RBFOX1: variants seen among roughly 807,000 people sequenced by gnomAD.
RBFOX1 encodes the protein RNA binding protein fox-1 homolog 1.
Under a neutral mutation model 57.7 loss-of-function variants are expected in RBFOX1, and 8 were observed. That is an observed-to-expected ratio of 0.14 (90% CI 0.08 to 0.25). The LOEUF (loss-of-function observed/expected upper bound fraction) is 0.25. Among genes scored for constraint, RBFOX1 ranks in the 10% least tolerant of loss-of-function variants. The pLI, the probability that RBFOX1 is intolerant of heterozygous loss-of-function variation, is 1.00. For missense variants in RBFOX1, 611 were observed against 548.5 expected (o/e 1.11, Z -1.14); for synonymous variants, 326 against 222.4 (o/e 1.47, Z -4.15).
intron 4 of RBFOX1, among the ~76,000 whole-genome samples, chr16:7,173,087 G>T (rs1383844561): frequency 2.6e-5 from 4 of 152,156 alleles, no homozygotes; most frequent in African/African-American, 9.7e-5. Context: ...GAGTTCAGAA[G>T]AAAGACTAGG....
At chr16:6,052,464 T>C (rs2095562285) in intron 1 of RBFOX1, among the ~76,000 whole-genome samples, 1 of 152,126 alleles carries the variant, frequency 6.6e-6, no homozygotes, top group Non-Finnish European at 1.5e-5. Flanking sequence ...CTTGGTATCC[T>C]AATCTGTAAA....
intron 1 of RBFOX1, among the ~76,000 whole-genome samples, chr16:6,179,574 C>T (rs2097046151): frequency 6.6e-6 from 1 of 152,142 alleles, no homozygotes; most frequent in Non-Finnish European, 1.5e-5. Flanking sequence ...CTGTGGTCCG[C>T]AGCCCACTAG....
At chr16:5,759,969 T>A (rs1039190102) in intron 3 of RBFOX1, among the ~76,000 whole-genome samples, 1 of 151,470 alleles carries the variant, frequency 6.6e-6, no homozygotes, top group Non-Finnish European at 1.5e-5. Context: ...TGTAGGTTTC[T>A]ATAATCTTGT....
intron 2 of RBFOX1, among the ~76,000 whole-genome samples, chr16:5,568,252 C>T (rs1454836404): frequency 6.6e-6 from 1 of 152,182 alleles, no homozygotes; most frequent in Non-Finnish European, 1.5e-5. Flanking sequence ...ATTCTCTGTG[C>T]ACGTGGCACA....
intron 4 of RBFOX1, among the ~76,000 whole-genome samples, chr16:7,419,610 C>T (rs2098519763): frequency 6.6e-6 from 1 of 152,210 alleles, no homozygotes; most frequent in Non-Finnish European, 1.5e-5. Flanking sequence ...TAACAGGGCC[C>T]CCTGCCCTTT....
At chr16:7,110,414 A>C (rs367543449) in intron 4 of RBFOX1, among the ~76,000 whole-genome samples, 185 of 152,176 alleles carry the variant, frequency 1.2e-3, no homozygotes, top group African/African-American at 4.4e-3. Flanking sequence ...GGGTTGAAAG[A>C]TGAATTTGCT....
At position 5,991,018 on chromosome 16, in the gene RBFOX1, C is replaced by G. The variant is rs540635317; in HGVS notation, c.351+123683C>G. 6.6e-5 allele frequency among the ~76,000 whole-genome samples: 10 copies of G among 152,172 alleles called. No homozygotes were observed. The South Asian group carries it at 1.7e-3, about 25-fold the overall frequency. On this transcript the variant is annotated intron_variant, in intron 4 of 19. Coordinates refer to the RBFOX1 transcript ENST00000641259. ...TTTGGTTATGCCTCCCATCAAGGTT[C>G]TCATGAAATAAAAAAAATGTTTTAA...
chr16:6,608,585 T>C (rs1405906137), intron 2 of RBFOX1, among the ~76,000 whole-genome samples: 2 of 152,156 alleles, frequency 1.3e-5, no homozygotes, highest in East Asian at 1.9e-4. Context: ...GACCAGGAGT[T>C]TGAGATGAGC....
intron 3 of RBFOX1, among the ~76,000 whole-genome samples, chr16:6,954,342 A>G (rs986923897): frequency 2.3e-4 from 35 of 152,174 alleles, no homozygotes; most frequent in African/African-American, 8.0e-4. Flanking sequence ...GAGTTGATTT[A>G]TAGTTACAAT....
At chr16:7,492,950 C>T (rs761531181) in intron 4 of RBFOX1, among the ~76,000 whole-genome samples, 2 of 152,174 alleles carry the variant, frequency 1.3e-5, no homozygotes, top group Admixed American at 1.3e-4. Context: ...GCGATCTCAG[C>T]TCACTGCAAC....
chr16:6,435,673 G>A (rs1419210755), intron 2 of RBFOX1, among the ~76,000 whole-genome samples: 1 of 152,156 alleles, frequency 6.6e-6, no homozygotes, highest in Non-Finnish European at 1.5e-5. Flanking sequence ...CCATTTCCAA[G>A]TGGTTTGCCT....
intron 4 of RBFOX1, among the ~76,000 whole-genome samples, chr16:7,504,788 TATATATATATATATTTA>T (rs2072616675): frequency 5.9e-5 from 1 of 16,876 alleles, no homozygotes; most frequent in Non-Finnish European, 1.5e-4. Context: ...TATATATATT[TATATATATATATATTTA>T]TATATATATA....
intron 4 of RBFOX1, among the ~76,000 whole-genome samples, chr16:7,369,708 G>C (rs897643535): frequency 6.6e-6 from 1 of 152,126 alleles, no homozygotes; most frequent in Non-Finnish European, 1.5e-5. Context: ...CATGGTGTCT[G>C]ATTAGCAATA....
At chr16:6,308,038 TAA>T (rs1195205442) in intron 1 of RBFOX1, among the ~76,000 whole-genome samples, 8 of 150,748 alleles carry the variant, frequency 5.3e-5, no homozygotes, top group Non-Finnish European at 1.0e-4. Flanking sequence ...GTTATTTATA[TAA>T]GTTTCTTTGG....
At chr16:7,460,397 G>A (rs866208038) in intron 4 of RBFOX1, among the ~76,000 whole-genome samples, 15,833 of 63,150 alleles carry the variant, frequency 0.25, 1,868 homozygotes, top group Non-Finnish European at 0.31. Context: ...ATATGTGTGT[G>A]TGTGTGTGTG....
chr16:7,017,596 C>A (rs1204894982), intron 3 of RBFOX1, among the ~76,000 whole-genome samples: 1 of 152,132 alleles, frequency 6.6e-6, no homozygotes, highest in Non-Finnish European at 1.5e-5. Flanking sequence ...TTTCATGAGG[C>A]TGGGGTCAAG....
At chr16:6,207,355 A>T (rs2097262257) in intron 1 of RBFOX1, among the ~76,000 whole-genome samples, 1 of 152,230 alleles carries the variant, frequency 6.6e-6, no homozygotes, top group Admixed American at 6.5e-5. Context: ...TCTAGCAGCC[A>T]AAAGGTTGCT....
At position 5,424,951 on chromosome 16, in the gene RBFOX1, CCTTT is replaced by C. The variant is rs1385849004; in HGVS notation, c.220-42264_220-42261del. On this transcript the variant is annotated intron_variant, in intron 1 of 2. Coordinates refer to the RBFOX1 transcript ENST00000585867. ...TCTTTCTTTCTCTCTCTTCTTTCTT[CCTTT>C]GTTTCTTTCTCTTTCTTTCTTTCTT... Among the ~76,000 whole-genome samples, 2 of 79,638 alleles carry C rather than the reference CCTTT, an allele frequency of 2.5e-5. 1 individual carries two copies. Among genetic ancestry groups the C allele is most frequent in the African/African-American group, 1.1e-4 (2 of 18,432 alleles). The allele number at this position is 79,638 out of a possible 152,430, so 52.2% of individuals were successfully genotyped here. A position where few individuals can be genotyped will look rare whatever the true frequency, so the allele number is the denominator to read the frequency against.
chr16:6,989,623 T>A (rs1316733298), intron 3 of RBFOX1, among the ~76,000 whole-genome samples: 2 of 152,188 alleles, frequency 1.3e-5, no homozygotes, highest in East Asian at 3.8e-4. Flanking sequence ...AGAAGTTATC[T>A]CTGCAGACTG....
Sources: gnomAD v4.1 joint callset for allele counts (sites outside exome capture counted in the v4.1 genomes callset) on GRCh38, gnomAD v4.1.1 for gene constraint, MANE v1.5 for transcripts, NCBI Gene and HGNC (gene_info 2026-07-23, HGNC 2026-07-21) for gene names.